POU6F2: variants seen among roughly 807,000 people sequenced by gnomAD.
POU6F2 encodes the protein POU class 6 homeobox 2.
A neutral mutation model predicts 71.3 loss-of-function variants in POU6F2; 31 were observed. The ratio of observed to expected loss-of-function variants is 0.43; its 90% CI spans 0.33 to 0.59. The LOEUF (loss-of-function observed/expected upper bound fraction) is 0.59. Ranked by LOEUF, POU6F2 falls within the 20% of genes least tolerant of loss-of-function variation. The probability of loss-of-function intolerance (pLI) is 0.04; values close to 1 mark genes in which losing one functional copy is unlikely to be tolerated. For synonymous variants in POU6F2, 347 were observed against 355.7 expected (o/e 0.98, Z 0.27); for missense variants, 783 against 856.8 (o/e 0.91, Z 1.07).
intron 1 of POU6F2, among the ~76,000 whole-genome samples, chr7:39,065,908 A>G (rs561435839): frequency 6.6e-6 from 1 of 151,876 alleles, no homozygotes; most frequent in East Asian, 1.9e-4. Flanking sequence ...ATTATTCCAG[A>G]GATAAAAAAA....
At chr7:39,132,880 C>T (rs544288467) in intron 2 of POU6F2, among the ~76,000 whole-genome samples, 39 of 152,072 alleles carry the variant, frequency 2.6e-4, no homozygotes, top group African/African-American at 8.7e-4. Flanking sequence ...GCCTTTTTTC[C>T]CCCTCATTAG....
Position 39,318,694 on chromosome 7 carries a change from C to T in POU6F2, c.599-20948C>T, listed in dbSNP as rs566692074. ...CAATCACTACATGACTTGTTCAACTCACTGTGGCCTTCAACTTATTCATTA... is the reference window on the plus strand; with the variant it reads ...CAATCACTACATGACTTGTTCAACTTACTGTGGCCTTCAACTTATTCATTA... On this transcript the variant is annotated intron_variant, in intron 4 of 9. Coordinates refer to ENST00000518318, the MANE Select transcript of POU6F2 (RefSeq NM_001370959.1). Among the ~76,000 whole-genome samples, 25 of 152,338 alleles carry T rather than the reference C, an allele frequency of 1.6e-4. 2 individuals are homozygous for T. The South Asian group carries it at 5.0e-3, about 30-fold the overall frequency.
At chr7:39,200,962 G>C (rs1350805316) in intron 2 of POU6F2, among the ~76,000 whole-genome samples, 1 of 152,068 alleles carries the variant, frequency 6.6e-6, no homozygotes, top group Non-Finnish European at 1.5e-5. Context: ...AGGAGATCAA[G>C]GTTGCAGTGA....
intron 4 of POU6F2, among the ~76,000 whole-genome samples, chr7:39,330,984 A>G (rs559774730): frequency 6.6e-6 from 1 of 152,076 alleles, no homozygotes; most frequent in African/African-American, 2.4e-5. Flanking sequence ...CTCTGCTTCT[A>G]TGGCTTTTCT....
intron 2 of POU6F2, among the ~76,000 whole-genome samples, chr7:39,126,294 T>G (rs986215142): frequency 3.3e-5 from 5 of 152,178 alleles, no homozygotes; most frequent in African/African-American, 1.2e-4. Flanking sequence ...GAGGCAAACT[T>G]TGGTTTGGTT....
At chr7:39,267,963 G>A (rs1784280096) in intron 4 of POU6F2, among the ~76,000 whole-genome samples, 1 of 152,144 alleles carries the variant, frequency 6.6e-6, no homozygotes, top group South Asian at 2.1e-4. Flanking sequence ...GCTTGCTTGT[G>A]AGGAGAGTTT....
intron 1 of POU6F2, among the ~76,000 whole-genome samples, chr7:38,995,852 C>A (rs1183654609): frequency 6.6e-6 from 1 of 152,158 alleles, no homozygotes; most frequent in African/African-American, 2.4e-5. Flanking sequence ...ACAGAAAACA[C>A]TACATGTACA....
chr7:38,996,370 T>C (rs879438500), intron 1 of POU6F2, among the ~76,000 whole-genome samples: 6 of 152,090 alleles, frequency 3.9e-5, no homozygotes, highest in Admixed American at 6.5e-5. Flanking sequence ...CCTAACCTTC[T>C]ACTCCCAGTT....
At chr7:39,316,051 A>G (rs1459728721) in intron 4 of POU6F2, among the ~76,000 whole-genome samples, 3 of 152,136 alleles carry the variant, frequency 2.0e-5, no homozygotes, top group African/African-American at 7.2e-5. Context: ...CCTGGTAGTA[A>G]TATTGGTAGC....
In POU6F2 at chr7:39,467,432, T is replaced by C. The variant is rs1789097126; in HGVS notation, c.*2746T>C. On this transcript the variant is annotated 3_prime_UTR_variant, in exon 10 of 10. Transcript: ENST00000518318. ...CAATGGCGTTTAAGTGTCTTTTATG[T>C]TTCCATGAACTGAAGGTTAAGGTTG... The C allele has an allele frequency of 6.6e-6, 1 of 152,224 alleles. No homozygotes were observed. Among genetic ancestry groups the C allele is most frequent in the African/African-American group, 2.4e-5 (1 of 41,460 alleles). 9.4% of individuals were successfully genotyped at this position (152,224 alleles called of 1,614,324 possible). A position where few individuals can be genotyped will look rare whatever the true frequency, so the allele number is the denominator to read the frequency against.
chr7:39,081,891 CT>C (rs762686962), intron 1 of POU6F2, among the ~76,000 whole-genome samples: 2 of 152,174 alleles, frequency 1.3e-5, no homozygotes, highest in Non-Finnish European at 2.9e-5. Flanking sequence ...AAGGTGCTGA[CT>C]TTTGGAGATG....
rs138236040 is a variant in POU6F2 at position 39,117,614 on chromosome 7, T to C, written c.277+31583T>C. Among the ~76,000 whole-genome samples the C allele has an allele frequency of 4.8e-3, 737 of 152,272 alleles. 6 individuals carry two copies. The highest frequency in any genetic ancestry group is 0.017 in the African/African-American group (716 of 41,552). On this transcript the variant is annotated intron_variant, in intron 2 of 9. Transcript: ENST00000518318. ...TGAGTAGAGAAAGGTGAGCCCTTAC[T>C]GCAGGCAGGAGGAGAAGCCGACAAG...
At chr7:39,158,982 GCCAACATGATGAAA>G (rs1310630752) in intron 2 of POU6F2, among the ~76,000 whole-genome samples, 1 of 151,770 alleles carries the variant, frequency 6.6e-6, no homozygotes, top group African/African-American at 2.4e-5. Context: ...GACCAGCCTT[GCCAACATGATGAAA>G]CCCCGTCTAT....
intron 4 of POU6F2, among the ~76,000 whole-genome samples, chr7:39,269,201 G>A (rs1187973787): frequency 6.6e-6 from 1 of 152,132 alleles, no homozygotes; most frequent in African/African-American, 2.4e-5. Flanking sequence ...AATGGTGTGG[G>A]TGTGATGTGG....
intron 2 of POU6F2, among the ~76,000 whole-genome samples, chr7:39,118,866 A>G (rs1791984797): frequency 1.3e-5 from 2 of 152,236 alleles, no homozygotes; most frequent in Non-Finnish European, 2.9e-5. Context: ...AATCATTTTC[A>G]GAAACAACAA....
chr7:39,093,316 T>C (rs1339118481), intron 2 of POU6F2, among the ~76,000 whole-genome samples: 4 of 152,106 alleles, frequency 2.6e-5, no homozygotes, highest in Admixed American at 2.6e-4. Flanking sequence ...TCAGAGATTT[T>C]CTATACAAAA....
intron 5 of POU6F2, among the ~76,000 whole-genome samples, chr7:39,346,537 G>A (rs575102916): frequency 6.6e-6 from 1 of 152,346 alleles, no homozygotes; most frequent in South Asian, 2.1e-4. Context: ...AAAGAGCCTA[G>A]AGCCACATAC....
intron 1 of POU6F2, among the ~76,000 whole-genome samples, chr7:38,993,939 T>G (rs945545067): frequency 6.6e-6 from 1 of 152,174 alleles, no homozygotes; most frequent in African/African-American, 2.4e-5. Flanking sequence ...AATATTCATT[T>G]TCTTATCTCT....
chr7:39,322,008 C>T (rs1785406553), intron 4 of POU6F2, among the ~76,000 whole-genome samples: 2 of 152,092 alleles, frequency 1.3e-5, no homozygotes. Flanking sequence ...TTTTGAGTTG[C>T]TATCTTGCCG....
Sources: gnomAD v4.1 joint callset for allele counts (sites outside exome capture counted in the v4.1 genomes callset) on GRCh38, gnomAD v4.1.1 for gene constraint, MANE v1.5 for transcripts, NCBI Gene and HGNC (gene_info 2026-07-23, HGNC 2026-07-21) for gene names.